The following WIPI2 variants were observed in gnomAD, a reference collection of about 807,000 sequenced individuals.
WIPI2 encodes the protein WD repeat domain, phosphoinositide interacting 2.
Under a neutral mutation model 52.3 loss-of-function variants are expected in WIPI2, and 28 were observed. The ratio of observed to expected loss-of-function variants is 0.54; its 90% CI spans 0.40 to 0.73. The LOEUF (loss-of-function observed/expected upper bound fraction) is 0.73, where lower values mean the gene tolerates loss of function less well. Ranked by LOEUF, WIPI2 falls within the 30% of genes least tolerant of loss-of-function variation. WIPI2 has a pLI of 0.00. For synonymous variants in WIPI2, 268 were observed against 245.0 expected, an observed-to-expected ratio of 1.09 and a Z score of -0.88; for missense variants, 506 against 602.9, an observed-to-expected ratio of 0.84 and a Z score of 1.68.
At chr7:5,207,832 C>G (rs1045674586) in intron 3 of WIPI2, among the ~76,000 whole-genome samples, 3 of 130,830 alleles carry the variant, frequency 2.3e-5, no homozygotes, top group Non-Finnish European at 4.6e-5. Flanking sequence ...GTGGCACAAT[C>G]TCGGCTCACT....
Position 5,230,937 on chromosome 7 carries a change from G to A in WIPI2, c.1355G>A (p.Arg452Gln), listed in dbSNP as rs750971658. ...EDSEHPPMIL[R>Q]TD Reference sequence around the variant, plus strand: ...AGCGAGCACCCGCCCATGATTCTTCGGACTGACTGAACTTGACCTGTGACC... The same window carrying A: ...AGCGAGCACCCGCCCATGATTCTTCAGACTGACTGAACTTGACCTGTGACC... The change falls in exon 13 of 13, where the codon CGG becomes CAG. Residue 452 changes from arginine to glutamine, a missense_variant. By Grantham distance (43) the Arg-to-Gln change is conservative (BLOSUM62 1). Coordinates refer to ENST00000288828, the MANE Select transcript of WIPI2 (RefSeq NM_015610.4). This position sits in a 1 kb window ranked among gnomAD's most constrained non-coding sequence, Gnocchi z 4.8. 2.5e-5 allele frequency: 41 copies of A among 1,611,206 alleles called. No homozygotes were observed. Among genetic ancestry groups the A allele is most frequent in the Middle Eastern group, 1.6e-4 (1 of 6,080 alleles).
At chr7:5,224,029 A>T (rs888259435) in intron 8 of WIPI2, among the ~76,000 whole-genome samples, 1 of 151,250 alleles carries the variant, frequency 6.6e-6, no homozygotes, top group Non-Finnish European at 1.5e-5. Flanking sequence ...ATCCAATCAC[A>T]CCCCACCTGA....
In WIPI2 at chr7:5,232,986, G is replaced by GT. The variant is rs1023283807; in HGVS notation, c.*2041dup. ...GCTTCCCGCACTGTAAGATGAGGCAGTTGCAGAGGAGGCCTCGGACGTCCT... is the reference window on the plus strand; with the variant it reads ...GCTTCCCGCACTGTAAGATGAGGCAGTTTGCAGAGGAGGCCTCGGACGTCCT... On this transcript the variant is annotated 3_prime_UTR_variant, in exon 13 of 13. Coordinates refer to ENST00000288828, the MANE Select transcript of WIPI2 (RefSeq NM_015610.4). 1 of 152,298 alleles carries GT rather than the reference G, an allele frequency of 6.6e-6. No individual in the cohort carries two copies. Among genetic ancestry groups the GT allele is most frequent in the African/African-American group, 2.4e-5 (1 of 41,472 alleles). The allele number at this position is 152,298 out of a possible 1,614,324, so 9.4% of individuals were successfully genotyped here.
intron 6 of WIPI2, chr7:5,217,586 G>T (rs1365584590): frequency 4.9e-6 from 2 of 411,468 alleles, no homozygotes; most frequent in Non-Finnish European, 9.1e-6. Context: ...CGGGTGCCCC[G>T]CGCCCAGCCC....
chr7:5,223,258 A>G (rs905478005), intron 8 of WIPI2, among the ~76,000 whole-genome samples: 1 of 152,086 alleles, frequency 6.6e-6, no homozygotes, highest in African/African-American at 2.4e-5. Flanking sequence ...CGTGCCTCAG[A>G]TTGGAGCCCT....
chr7:5,193,270 G>C, intron 2 of WIPI2, 99 bp downstream of exon 2: 1 of 1,561,304 alleles, frequency 6.4e-7, no homozygotes. Context: ...GTTAATAAGT[G>C]GGAGAGGATC....
At chr7:5,190,517 A>G (rs1781422708) in intron 1 of WIPI2, 24 bp downstream of exon 1, 1 of 1,474,472 alleles carries the variant, frequency 6.8e-7, no homozygotes. Context: ...CGGGGGTCGG[A>G]GTCGGGGTGA....
chr7:5,229,525 G>C, intron 11 of WIPI2, 83 bp from the exon 12 acceptor site: 1 of 1,516,386 alleles, frequency 6.6e-7, no homozygotes, highest in Non-Finnish European at 8.9e-7. Context: ...TGCTGGCTCT[G>C]TTGCCGCAGG....
At position 5,217,979 on chromosome 7, in the gene WIPI2, G is replaced by T. The variant is rs541710005; in HGVS notation, c.634G>T (p.Ala212Ser). Residue 212 changes from alanine to serine, a missense_variant, in exon 7 of 13, where the codon GCA becomes TCA. Ala to Ser is a moderately conservative substitution (Grantham distance 99). This residue lies in a region of WIPI2 where 237 missense variants were observed against 346.9 expected (regional missense o/e 0.68). Transcript: ENST00000288828. ...TCCTTTAGCGGCACTGGCCTTTGAC[G>T]CAAGTGGAACTAAACTTGCCACGGC... ...DSPLAALAFD[A>S]SGTKLATASE... 6.2e-7 allele frequency: 1 copy of T among 1,614,090 alleles called. No homozygotes were observed. The highest frequency in any genetic ancestry group is 1.1e-5 in the South Asian group (1 of 91,092).
intron 9 of WIPI2, 67 bp downstream of exon 9, chr7:5,225,997 T>A: frequency 6.7e-7 from 1 of 1,488,482 alleles, no homozygotes; most frequent in Non-Finnish European, 9.2e-7. Context: ...GCTGCCGGGA[T>A]GAGAGGTAAG....
rs139081547 is a variant in WIPI2 at position 5,216,152 on chromosome 7, A to G, written c.382-411A>G. 198 of 122,074 alleles carry G rather than the reference A, an allele frequency of 1.6e-3. 2 individuals carry two copies. The East Asian group carries it at 0.051, about 31-fold the overall frequency. 7.6% of individuals were successfully genotyped at this position (122,074 alleles called of 1,614,324 possible). A position where few individuals can be genotyped will look rare whatever the true frequency, so the allele number is the denominator to read the frequency against. On this transcript the variant is annotated intron_variant, in intron 4 of 12. Coordinates refer to ENST00000288828, the MANE Select transcript of WIPI2 (RefSeq NM_015610.4). The stretch of plus-strand genomic sequence containing the variant: ...CAGCTGTATCCTTGGCGCTTCTAAC[A>G]TTGGTCTGCATGGTGTTCTAGAAGG...
chr7:5,216,191 A>C (rs1483285122), intron 4 of WIPI2: 1 of 139,568 alleles, frequency 7.2e-6, no homozygotes, highest in Non-Finnish European at 1.6e-5. Context: ...TAAGATTGTG[A>C]AGCCAACGCA....
At chr7:5,217,808 G>A (rs1214687720) in intron 6 of WIPI2, 114 bp from the exon 7 acceptor site, 1 of 968,568 alleles carries the variant, frequency 1.0e-6, no homozygotes, top group African/African-American at 1.6e-5. Context: ...GCATTTGTTT[G>A]GACCGTAATG....
At chr7:5,194,303 G>A (rs1781634545) in intron 2 of WIPI2, among the ~76,000 whole-genome samples, 1 of 152,194 alleles carries the variant, frequency 6.6e-6, no homozygotes, top group South Asian at 2.1e-4. Context: ...AGTTGAGGTT[G>A]CTTTTGGTTT....
chr7:5,224,588 G>A (rs1442492378), intron 8 of WIPI2, among the ~76,000 whole-genome samples: 1 of 152,192 alleles, frequency 6.6e-6, no homozygotes, highest in East Asian at 1.9e-4. Context: ...TGGGTGGGGA[G>A]AAGCCAGTGA....
chr7:5,228,699 A>G (rs559460637), intron 11 of WIPI2, among the ~76,000 whole-genome samples: 5 of 152,322 alleles, frequency 3.3e-5, no homozygotes, highest in Middle Eastern at 3.4e-3. Flanking sequence ...TCTGTCTTAC[A>G]TGTTTTTTAA....
At chr7:5,212,632 C>T (rs1782612682) in intron 3 of WIPI2, among the ~76,000 whole-genome samples, 1 of 152,188 alleles carries the variant, frequency 6.6e-6, no homozygotes, top group Non-Finnish European at 1.5e-5. Flanking sequence ...CTCCTGGGAT[C>T]AGGCACTCTT....
rs1466046099 is a variant in WIPI2 at position 5,227,927 on chromosome 7, C to T, written c.1014-177C>T. On this transcript the variant is annotated intron_variant, in intron 10 of 12. Transcript: ENST00000288828. The surrounding 1 kb of genome is among the most constrained non-coding windows in gnomAD (Gnocchi z 8.1). Reference sequence around the variant, plus strand: ...CTCCCGTGGGCTTCAGGGCTCAGCACACGAGTGCAGCCTTGGCCGTGTGAG... The same window carrying T: ...CTCCCGTGGGCTTCAGGGCTCAGCATACGAGTGCAGCCTTGGCCGTGTGAG... 1.3e-5 allele frequency among the ~76,000 whole-genome samples: 2 copies of T among 152,248 alleles called. No homozygotes were observed. The highest frequency in any genetic ancestry group is 2.9e-5 in the Non-Finnish European group (2 of 68,038).
chr7:5,219,225 C>CT (rs1175684868), intron 7 of WIPI2, among the ~76,000 whole-genome samples: 2 of 152,190 alleles, frequency 1.3e-5, no homozygotes, highest in Non-Finnish European at 2.9e-5. Context: ...GCGGTGTGCC[C>CT]GGGGCCGCCC....
Sources: gnomAD v4.1 joint callset for allele counts (sites outside exome capture counted in the v4.1 genomes callset) on GRCh38, gnomAD v4.1.1 for gene constraint, gnomAD v4.1.1 regional missense constraint, Gnocchi (gnomAD v3.1) non-coding constraint, MANE v1.5 for transcripts, NCBI Gene and HGNC (gene_info 2026-07-23, HGNC 2026-07-21) for gene names.